FRMPD1: variants seen among roughly 807,000 people sequenced by gnomAD.
FRMPD1 encodes FERM and PDZ domain-containing protein 1.
FRMPD1 carries 76 observed loss-of-function variants against 117.8 expected under a neutral mutation model. The ratio of observed to expected loss-of-function variants is 0.65; its 90% CI spans 0.54 to 0.78. The LOEUF (loss-of-function observed/expected upper bound fraction) is 0.78, where lower values mean the gene tolerates loss of function less well. Among genes scored for constraint, FRMPD1 ranks in the 30% least tolerant of loss-of-function variants. FRMPD1 has a pLI of 0.00. For synonymous variants in FRMPD1, 783 were observed against 770.4 expected (o/e 1.02, Z -0.27); for missense variants, 1,786 against 1,964.5 (o/e 0.91, Z 1.72).
At position 37,707,399 on chromosome 9, in the gene FRMPD1, T is replaced by A; in HGVS notation, c.102-17T>A. 1 of 1,611,144 alleles carries A rather than the reference T, an allele frequency of 6.2e-7. No homozygotes were observed. Among genetic ancestry groups the A allele is most frequent in the Non-Finnish European group, 8.5e-7 (1 of 1,178,638 alleles). ...GAGTCTTCTCTTTCTCTTTTTTACA[T>A]ACTCCTTCTCTTCCAGGGCTAAAGT... On this transcript the variant is annotated splice_polypyrimidine_tract_variant and intron_variant, in intron 2 of 15. Transcript: ENST00000377765.
At chr9:37,646,946 A>G (rs1824150870), upstream of FRMPD1, among the ~76,000 whole-genome samples, 1 of 152,184 alleles carries the variant, frequency 6.6e-6, no homozygotes. Context: ...AGAGAAAGCA[A>G]ACTTTTAGCT....
chr9:37,684,744 C>T lies in FRMPD1; in HGVS notation c.-4-7894C>T, dbSNP rs1258955405. On this transcript the variant is annotated intron_variant, in intron 1 of 15. Transcript: ENST00000377765. ...GGCACAAAACAGGGAAAGAGTCAGT[C>T]ATGATTCCCCAATTTTTTTTTATTT... is the stretch of plus-strand genomic sequence containing the variant. Among the ~76,000 whole-genome samples the T allele has an allele frequency of 3.3e-5, 5 of 152,076 alleles. No individual in the cohort carries two copies. The South Asian group carries it at 8.3e-4, about 25-fold the overall frequency.
the FRMPD1 span, among the ~76,000 whole-genome samples, chr9:37,629,688 T>A: frequency 6.6e-6 from 1 of 152,078 alleles, no homozygotes; most frequent in African/African-American, 2.4e-5. Context: ...CAGTGCTTTT[T>A]AAAAAAAATG....
intron 3 of FRMPD1, among the ~76,000 whole-genome samples, chr9:37,707,915 G>A (rs943622594): frequency 6.6e-6 from 1 of 152,222 alleles, no homozygotes; most frequent in South Asian, 2.1e-4. Flanking sequence ...ATACTTTCTG[G>A]TCAGACAGTA....
At chr9:37,649,881 G>C (rs1309317080), upstream of FRMPD1, among the ~76,000 whole-genome samples, 1 of 151,964 alleles carries the variant, frequency 6.6e-6, no homozygotes, top group African/African-American at 2.4e-5. Flanking sequence ...CTCATCTTGG[G>C]GTCTTTGTTC....
At chr9:37,617,709 T>C in the FRMPD1 span, among the ~76,000 whole-genome samples, 2 of 152,208 alleles carry the variant, frequency 1.3e-5, no homozygotes, top group Non-Finnish European at 2.9e-5. Context: ...TGGGTCATCT[T>C]AACCATTTTT....
chr9:37,741,494 G>A (rs1465073397), intron 15 of FRMPD1, among the ~76,000 whole-genome samples: 3 of 129,394 alleles, frequency 2.3e-5, no homozygotes, highest in African/African-American at 8.8e-5. Flanking sequence ...CACACACACT[G>A]CATTCTGAAG....
chr9:37,646,575 A>T (rs1824144911), upstream of FRMPD1, among the ~76,000 whole-genome samples: 1 of 152,362 alleles, frequency 6.6e-6, no homozygotes, highest in East Asian at 1.9e-4. Flanking sequence ...ACTTGTGTTC[A>T]GGTAAACAAA....
the FRMPD1 span, among the ~76,000 whole-genome samples, chr9:37,610,274 A>G: frequency 7.2e-5 from 11 of 152,200 alleles, no homozygotes; most frequent in South Asian, 4.1e-4. Flanking sequence ...TCATTGGGCT[A>G]TCCATCACCT....
upstream of FRMPD1, among the ~76,000 whole-genome samples, chr9:37,649,137 A>G (rs1246453172): frequency 6.6e-6 from 1 of 152,214 alleles, no homozygotes; most frequent in Non-Finnish European, 1.5e-5. Context: ...TCACCGGACA[A>G]GAGAATAGTT....
In FRMPD1 at chr9:37,731,114, C is replaced by A; in HGVS notation, c.858+11C>A. The A allele has an allele frequency of 1.9e-6, 3 of 1,612,454 alleles. No individual in the cohort carries two copies. Among genetic ancestry groups the A allele is most frequent in the Non-Finnish European group, 2.5e-6 (3 of 1,178,594 alleles). On this transcript the variant is annotated intron_variant, in intron 9 of 15. Coordinates refer to ENST00000377765, the MANE Select transcript of FRMPD1 (RefSeq NM_014907.3). ...TACCTCTATCTGCAGGTGACTGGGT[C>A]TGTGCTTCCTAAAATAACAGTGGTT...
chr9:37,724,315 G>A lies in FRMPD1; in HGVS notation c.607G>A (p.Val203Met), dbSNP rs753842893. 1.6e-5 allele frequency: 25 copies of A among 1,527,068 alleles called. No homozygotes were observed. Among genetic ancestry groups the A allele is most frequent in the Middle Eastern group, 1.7e-4 (1 of 5,912 alleles). 94.6% of individuals were successfully genotyped at this position (1,527,068 alleles called of 1,614,324 possible). The change falls in exon 7 of 16, where the codon GTG (valine) becomes ATG (methionine). Residue 203 changes from valine (V) to methionine (M), a missense_variant. Val to Met is a conservative substitution (Grantham distance 21). Transcript: ENST00000377765. ...TTTCAAGTTTGAGGCAAACACAACC[G>A]TGAAGGTATTAAGAATAAACTTGAA... ...KAFKFEANTT[V>M]KDIILTVKEK...
the FRMPD1 span, among the ~76,000 whole-genome samples, chr9:37,628,805 G>A: frequency 3.3e-5 from 5 of 152,172 alleles, no homozygotes; most frequent in Admixed American, 6.5e-5. Flanking sequence ...GTGCTGCAGC[G>A]TCTTCCCTAT....
intron 2 of FRMPD1, among the ~76,000 whole-genome samples, chr9:37,703,783 A>G (rs1822610634): frequency 6.6e-6 from 1 of 152,204 alleles, no homozygotes; most frequent in Non-Finnish European, 1.5e-5. Flanking sequence ...TGTTAATGGA[A>G]TCATACAATA....
intron 2 of FRMPD1, among the ~76,000 whole-genome samples, chr9:37,697,120 A>T (rs1014065196): frequency 6.6e-6 from 1 of 152,210 alleles, no homozygotes; most frequent in Non-Finnish European, 1.5e-5. Flanking sequence ...TACAATCATT[A>T]GTCAAATTCA....
Position 37,740,053 on chromosome 9 carries a change from A to G in FRMPD1, c.1550-25A>G, listed in dbSNP as rs768889845. 6.6e-7 allele frequency: 1 copy of G among 1,504,836 alleles called. No individual in the cohort carries two copies. The highest frequency in any genetic ancestry group is 2.3e-5 in the East Asian group (1 of 44,178). The allele number at this position is 1,504,836 out of a possible 1,614,324, so 93.2% of individuals were successfully genotyped here. A position where few individuals can be genotyped will look rare whatever the true frequency, so the allele number is the denominator to read the frequency against. On this transcript the variant is annotated intron_variant, in intron 14 of 15. Coordinates refer to ENST00000377765, the MANE Select transcript of FRMPD1 (RefSeq NM_014907.3). This position sits in a 1 kb window ranked among gnomAD's most constrained non-coding sequence, Gnocchi z 4.2. ...ATAGGTAGGAGAATTCTGTTGTGTAACTGTTGCTGTACCCTGTGTTGCAGG... is the reference window on the plus strand; with the variant it reads ...ATAGGTAGGAGAATTCTGTTGTGTAGCTGTTGCTGTACCCTGTGTTGCAGG...
chr9:37,692,835 T>C, intron 2 of FRMPD1, 93 bp downstream of exon 2: 2 of 900,318 alleles, frequency 2.2e-6, no homozygotes, highest in Non-Finnish European at 3.7e-6. Context: ...TTGGGATTGC[T>C]GTCTCCGGCT....
At chr9:37,741,328 G>T (rs527461206) in intron 15 of FRMPD1, among the ~76,000 whole-genome samples, 3 of 151,966 alleles carry the variant, frequency 2.0e-5, no homozygotes, top group South Asian at 4.2e-4. Flanking sequence ...GCCTTCTGGG[G>T]TCCAAGGGAC....
At chr9:37,659,924 A>C (rs1820948536) in intron 1 of FRMPD1, among the ~76,000 whole-genome samples, 1 of 150,172 alleles carries the variant, frequency 6.7e-6, no homozygotes, top group African/African-American at 2.5e-5. Flanking sequence ...CTAAAAAAAA[A>C]AAAAAAAAAA....
Sources: gnomAD v4.1 joint callset for allele counts (sites outside exome capture counted in the v4.1 genomes callset) on GRCh38, gnomAD v4.1.1 for gene constraint, Gnocchi (gnomAD v3.1) non-coding constraint, MANE v1.5 for transcripts, NCBI Gene and HGNC (gene_info 2026-07-23, HGNC 2026-07-21) for gene names.